The following FGD3 variants were observed in gnomAD, a reference collection of about 807,000 sequenced individuals.
The protein encoded by FGD3 is FYVE, RhoGEF and PH domain containing 3.
In FGD3, 45 loss-of-function variants were observed where a neutral mutation model predicts 71.8. That is an observed-to-expected ratio of 0.63 (90% CI 0.49 to 0.80). FGD3 has a LOEUF of 0.80. Among genes scored for constraint, FGD3 ranks in the 30% least tolerant of loss-of-function variants. FGD3 has a pLI of 0.00. For synonymous variants in FGD3, 378 were observed against 392.8 expected (o/e 0.96, Z 0.44); for missense variants, 844 against 951.5 (o/e 0.89, Z 1.49).
At chr9:93,025,652 A>G (rs1215582667) in intron 14 of FGD3, among the ~76,000 whole-genome samples, 1 of 152,202 alleles carries the variant, frequency 6.6e-6, no homozygotes, top group Non-Finnish European at 1.5e-5. Flanking sequence ...AGGAGAAGCT[A>G]CACCCAAGCC....
Position 93,035,757 on chromosome 9 carries a change from C to T in FGD3, c.*168C>T. On this transcript the variant is annotated 3_prime_UTR_variant, in exon 18 of 18. Coordinates refer to ENST00000375482, the MANE Select transcript of FGD3 (RefSeq NM_001083536.2). ...AAGGAAACTGAGGCCCAGAGAGGGG[C>T]AACCACTGGCCAAGGGTCACCCAGC... The T allele has an allele frequency of 2.9e-6, 3 of 1,040,478 alleles. No homozygotes were observed. In the South Asian group the frequency reaches 5.6e-5, roughly 20 times the overall value. The allele number at this position is 1,040,478 out of a possible 1,614,324, so 64.5% of individuals were successfully genotyped here.
chr9:93,025,897 G>A (rs928917346), intron 14 of FGD3, among the ~76,000 whole-genome samples: 4 of 152,210 alleles, frequency 2.6e-5, no homozygotes, highest in African/African-American at 9.6e-5. Flanking sequence ...ACGAGGCCAC[G>A]CCCTGTGTCC....
At chr9:93,016,543 T>A in intron 10 of FGD3, among the ~76,000 whole-genome samples, 1 of 151,044 alleles carries the variant, frequency 6.6e-6, no homozygotes, top group East Asian at 2.0e-4. Flanking sequence ...TTGCCATGTT[T>A]GCCAGGCTGG....
chr9:93,029,005 T>G (rs1169047197), intron 14 of FGD3, among the ~76,000 whole-genome samples: 30 of 48,532 alleles, frequency 6.2e-4, no homozygotes, highest in African/African-American at 2.1e-3. Flanking sequence ...GTTTTTTTTT[T>G]TTTTTTTTTT....
At chr9:92,979,956 T>C (rs1302042260) in intron 3 of FGD3, among the ~76,000 whole-genome samples, 3 of 149,718 alleles carry the variant, frequency 2.0e-5, no homozygotes, top group African/African-American at 4.9e-5. Flanking sequence ...CTCTCTCTCT[T>C]TTTTTTTTTG....
At chr9:92,987,869 T>A (rs548096192) in intron 3 of FGD3, among the ~76,000 whole-genome samples, 1 of 152,342 alleles carries the variant, frequency 6.6e-6, no homozygotes, top group East Asian at 1.9e-4. Context: ...TTAGCGCGCA[T>A]GCATGAGTCC....
chr9:92,989,981 A>G (rs1032804599), intron 3 of FGD3, among the ~76,000 whole-genome samples: 2 of 91,426 alleles, frequency 2.2e-5, no homozygotes, highest in East Asian at 3.0e-4. Flanking sequence ...TTTTGCAGTT[A>G]TTGTATATGA....
intron 15 of FGD3, among the ~76,000 whole-genome samples, chr9:93,031,141 A>C (rs1862342803): frequency 6.6e-6 from 1 of 152,082 alleles, no homozygotes; most frequent in South Asian, 2.1e-4. Flanking sequence ...ATGGTAGAGG[A>C]TGGATGGGCA....
chr9:92,960,739 C>A (rs2118515467), intron 1 of FGD3, among the ~76,000 whole-genome samples: 1 of 152,280 alleles, frequency 6.6e-6, no homozygotes, highest in East Asian at 1.9e-4. Context: ...CCAGGGAGAG[C>A]ACTCATCCAC....
Position 92,976,738 on chromosome 9 carries a change from C to T in FGD3, c.453+29C>T, listed in dbSNP as rs367786089. On this transcript the variant is annotated intron_variant, in intron 3 of 17. Transcript: ENST00000375482. ...GGCTTCCCCTTCTCTGTCCCCGCTGCGGGCTGCAGGCCTTTCCTTAGGAGG... is the reference window on the plus strand; with the variant it reads ...GGCTTCCCCTTCTCTGTCCCCGCTGTGGGCTGCAGGCCTTTCCTTAGGAGG... The T allele has an allele frequency of 8.4e-5, 128 of 1,529,900 alleles. 1 individual carries two copies. Among genetic ancestry groups the T allele is most frequent in the Non-Finnish European group, 1.0e-4 (115 of 1,139,208 alleles). 94.8% of individuals were successfully genotyped at this position (1,529,900 alleles called of 1,614,324 possible).
intron 2 of FGD3, 42 bp from the exon 3 acceptor site, chr9:92,976,166 A>G (rs1859744247): frequency 4.0e-6 from 5 of 1,254,050 alleles, no homozygotes; most frequent in Non-Finnish European, 5.4e-6. Flanking sequence ...GTGCTGGTCC[A>G]TGCCTGGCTA....
chr9:93,010,356 G>T lies in FGD3; in HGVS notation c.948G>T (p.Gln316His). 6.2e-7 allele frequency: 1 copy of T among 1,613,028 alleles called. No homozygotes were observed. The highest frequency in any genetic ancestry group is 1.3e-5 in the African/African-American group (1 of 75,058). The change falls in exon 7 of 18, where the codon CAG becomes CAT. Residue 316 changes from glutamine (Q) to histidine (H), a missense_variant. By Grantham distance (24) the Gln-to-His change is conservative (BLOSUM62 0). Coordinates refer to ENST00000375482, the MANE Select transcript of FGD3 (RefSeq NM_001083536.2). ...AGGACTATCTGAAGAGGCTCCCGCA[G>T]GACGCCCCAGACCGGAAGGATGCGG... ...LLKDYLKRLP[Q>H]DAPDRKDAER...
At chr9:93,009,733 G>A (rs1861225186) in intron 6 of FGD3, among the ~76,000 whole-genome samples, 1 of 152,194 alleles carries the variant, frequency 6.6e-6, no homozygotes, top group South Asian at 2.1e-4. Context: ...GGAGCGCGAG[G>A]GTCTCAGCAC....
chr9:93,019,345 C>T (rs909004043), intron 11 of FGD3, among the ~76,000 whole-genome samples: 1 of 152,256 alleles, frequency 6.6e-6, no homozygotes, highest in African/African-American at 2.4e-5. Context: ...AGGACCTGCG[C>T]TCCTCCCGAA....
At chr9:93,006,855 T>C (rs1564159482) in intron 6 of FGD3, among the ~76,000 whole-genome samples, 1 of 150,990 alleles carries the variant, frequency 6.6e-6, no homozygotes. Flanking sequence ...GCCTCCCGAG[T>C]AGCTGGGAAT....
chr9:92,974,986 G>C (rs1859669728), intron 1 of FGD3, among the ~76,000 whole-genome samples: 5 of 152,208 alleles, frequency 3.3e-5, no homozygotes, highest in Admixed American at 3.3e-4. Context: ...AGAGTTTCCA[G>C]CCGAGCAAGA....
chr9:92,951,668 CTG>C (rs1397689344), intron 1 of FGD3, among the ~76,000 whole-genome samples: 1 of 152,134 alleles, frequency 6.6e-6, no homozygotes, highest in African/African-American at 2.4e-5. Flanking sequence ...GAGCGAGACC[CTG>C]TCTCAAAAAA....
chr9:92,994,975 A>G (rs1860574178), intron 3 of FGD3, among the ~76,000 whole-genome samples: 3 of 152,200 alleles, frequency 2.0e-5, no homozygotes, highest in East Asian at 1.9e-4. Flanking sequence ...TTGGTTCCAT[A>G]TGAACTTTAA....
At position 93,003,333 on chromosome 9, in the gene FGD3, T is replaced by C. The variant is rs1860930224; in HGVS notation, c.543+319T>C. Among the ~76,000 whole-genome samples the C allele has an allele frequency of 6.6e-6, 1 of 152,070 alleles. No individual in the cohort carries two copies. Among genetic ancestry groups the C allele is most frequent in the Non-Finnish European group, 1.5e-5 (1 of 68,002 alleles). On this transcript the variant is annotated intron_variant, in intron 4 of 17. Coordinates refer to ENST00000375482, the MANE Select transcript of FGD3 (RefSeq NM_001083536.2). This position sits in a 1 kb window ranked among gnomAD's most constrained non-coding sequence, Gnocchi z 4.1. ...TAGTAGAGACGGGGTTTCACCATATTTGTCAGGCTGGTCTTGAACTCCTGA... is the reference window on the plus strand; with the variant it reads ...TAGTAGAGACGGGGTTTCACCATATCTGTCAGGCTGGTCTTGAACTCCTGA...
Sources: allele counts gnomAD v4.1 joint callset (sites outside exome capture counted in the v4.1 genomes callset), GRCh38; gene constraint gnomAD v4.1.1; non-coding constraint Gnocchi (gnomAD v3.1); transcripts MANE v1.5; gene names NCBI Gene and HGNC (gene_info 2026-07-23, HGNC 2026-07-21).